The following WAPL variants were observed in gnomAD, a reference collection of about 807,000 sequenced individuals.
The protein encoded by WAPL is WAPL cohesin release factor.
Under a neutral mutation model 121.0 loss-of-function variants are expected in WAPL, and 5 were observed. The ratio of observed to expected loss-of-function variants is 0.04; its 90% CI spans 0.02 to 0.09. WAPL has a LOEUF of 0.09. Among genes scored for constraint, WAPL ranks in the 10% least tolerant of loss-of-function variants. WAPL has a pLI of 1.00. For synonymous variants in WAPL, 480 were observed against 481.5 expected (o/e 1.00, Z 0.04); for missense variants, 999 against 1,410.8 (o/e 0.71, Z 4.68).
chr10:86,437,851 G>A, intron 18 of WAPL, 69 bp downstream of exon 18: 2 of 1,229,150 alleles, frequency 1.6e-6, no homozygotes, highest in Non-Finnish European at 2.3e-6. Flanking sequence ...TATGGCCATA[G>A]TATTTTTATG....
chr10:86,475,805 A>G (rs1841637462), intron 4 of WAPL, among the ~76,000 whole-genome samples: 1 of 152,218 alleles, frequency 6.6e-6, no homozygotes, highest in Non-Finnish European at 1.5e-5. Context: ...CCTCAAGCAT[A>G]CTCAGAGCCC....
intron 9 of WAPL, 87 bp from the exon 10 acceptor site, chr10:86,461,374 T>G: frequency 7.5e-5 from 71 of 941,412 alleles, no homozygotes; most frequent in Non-Finnish European, 1.1e-4. Flanking sequence ...TACTGCATGC[T>G]ACATGTAGTT....
chr10:86,515,264 A>G (rs1403422195), intron 2 of WAPL, among the ~76,000 whole-genome samples: 1 of 148,210 alleles, frequency 6.7e-6, no homozygotes, highest in Non-Finnish European at 1.5e-5. Context: ...CTTCATCTCA[A>G]AAAAAAAAAA....
chr10:86,471,513 T>C (rs550170094), intron 7 of WAPL, among the ~76,000 whole-genome samples: 1 of 152,184 alleles, frequency 6.6e-6, no homozygotes, highest in Non-Finnish European at 1.5e-5. Context: ...CAAAAGATCA[T>C]CTTTTTGAGC....
intron 4 of WAPL, among the ~76,000 whole-genome samples, chr10:86,482,586 T>C (rs1004400697): frequency 7.9e-5 from 12 of 152,272 alleles, no homozygotes; most frequent in Admixed American, 2.0e-4. Context: ...AGGTACAAGA[T>C]GAACCTAGAA....
Position 86,447,824 on chromosome 10 carries a change from C to T in WAPL, c.3115-1375G>A, listed in dbSNP as rs568378141. On this transcript the variant is annotated intron_variant, in intron 15 of 18. Coordinates refer to ENST00000298767, the MANE Select transcript of WAPL (RefSeq NM_015045.5). ...TAGCACTTTGGGAGGCTGAGGCAGG[C>T]GGATCACTTTAGGTCAGGAGTTGGC... Among the ~76,000 whole-genome samples, 11 of 151,272 alleles carry T rather than the reference C, an allele frequency of 7.3e-5. No homozygotes were observed. The South Asian group carries it at 1.7e-3, about 23-fold the overall frequency.
At chr10:86,510,472 T>C (rs1008455174) in intron 2 of WAPL, among the ~76,000 whole-genome samples, 8 of 152,256 alleles carry the variant, frequency 5.3e-5, no homozygotes, top group Admixed American at 2.6e-4. Flanking sequence ...GCTAGTTCTT[T>C]ATCATGACCA....
At chr10:86,499,685 T>C (rs766771939) in intron 3 of WAPL, 33 bp downstream of exon 3, 1 of 1,529,080 alleles carries the variant, frequency 6.5e-7, no homozygotes, top group Non-Finnish European at 8.7e-7. Flanking sequence ...GGGGAACTAT[T>C]GTACTTATTA....
chr10:86,467,497 G>A lies in WAPL; in HGVS notation c.2152C>T (p.Leu718Phe). The change falls in exon 9 of 19, where the codon CTC becomes TTC. Residue 718 changes from leucine (L) to phenylalanine (F), a missense_variant. By Grantham distance (22) the Leu-to-Phe change is conservative (BLOSUM62 0). This residue lies in a region of WAPL where 118 missense variants were observed against 318.3 expected (regional missense o/e 0.37). Coordinates refer to ENST00000298767, the MANE Select transcript of WAPL (RefSeq NM_015045.5). ...DDSQHHQNLS[L>F]CTAALMYILS... ...ATATACATGAGGGCAGCTGTACAGAGGGACAGATTCTTCAACAGGCCAAAA... is the reference window on the plus strand; with the variant it reads ...ATATACATGAGGGCAGCTGTACAGAAGGACAGATTCTTCAACAGGCCAAAA... 6.2e-7 allele frequency: 1 copy of A among 1,605,842 alleles called. No homozygotes were observed. The highest frequency in any genetic ancestry group is 1.1e-5 in the South Asian group (1 of 88,202).
At chr10:86,482,827 G>A (rs1264507152) in intron 4 of WAPL, among the ~76,000 whole-genome samples, 2 of 152,210 alleles carry the variant, frequency 1.3e-5, no homozygotes, top group East Asian at 1.9e-4. Context: ...GGGCTGGCAG[G>A]TAGGGGAAAT....
chr10:86,487,838 T>C (rs1415580625), intron 4 of WAPL, among the ~76,000 whole-genome samples: 1 of 152,064 alleles, frequency 6.6e-6, no homozygotes, highest in Non-Finnish European at 1.5e-5. Context: ...GAGCTTGCAG[T>C]GAGCTGAGAT....
At chr10:86,495,737 T>C (rs779573877) in intron 4 of WAPL, among the ~76,000 whole-genome samples, 10 of 152,080 alleles carry the variant, frequency 6.6e-5, no homozygotes, top group Non-Finnish European at 1.5e-4. Flanking sequence ...ACTAATGAAA[T>C]AGCAGAAAAT....
At position 86,435,900 on chromosome 10, in the gene WAPL, C is replaced by A. The variant is rs899381363; in HGVS notation, c.*1643G>T. Reference sequence around the variant, plus strand: ...ATAACTAATTTAATTTTACGGGTATCATTTACCAATATGTTTTTAAAAGTA... The same window carrying A: ...ATAACTAATTTAATTTTACGGGTATAATTTACCAATATGTTTTTAAAAGTA... On this transcript the variant is annotated 3_prime_UTR_variant, in exon 19 of 19. Coordinates refer to ENST00000298767, the MANE Select transcript of WAPL (RefSeq NM_015045.5). The A allele has an allele frequency of 2.0e-5, 3 of 152,110 alleles. No homozygotes were observed. The highest frequency in any genetic ancestry group is 4.4e-5 in the Non-Finnish European group (3 of 68,022). The allele number at this position is 152,110 out of a possible 1,614,324, so 9.4% of individuals were successfully genotyped here.
intron 2 of WAPL, among the ~76,000 whole-genome samples, chr10:86,514,318 A>G (rs1231095520): frequency 6.6e-6 from 1 of 152,236 alleles, no homozygotes; most frequent in African/African-American, 2.4e-5. Context: ...TAACTTGCAC[A>G]CATTAGAGAC....
chr10:86,508,758 C>CTTTTT (rs34530024), intron 2 of WAPL, among the ~76,000 whole-genome samples: 16 of 116,762 alleles, frequency 1.4e-4, no homozygotes, highest in East Asian at 7.5e-4. Context: ...ATTGAAAGTT[C>CTTTTT]TTTTTTTTTT....
chr10:86,483,751 T>C (rs1320095007), intron 4 of WAPL, among the ~76,000 whole-genome samples: 1 of 146,880 alleles, frequency 6.8e-6, no homozygotes, highest in Admixed American at 6.8e-5. Context: ...TCTAGGCTGG[T>C]GTATCTTAAG....
At chr10:86,457,680 C>G (rs1241664123) in intron 12 of WAPL, among the ~76,000 whole-genome samples, 1 of 151,576 alleles carries the variant, frequency 6.6e-6, no homozygotes, top group South Asian at 2.1e-4. Context: ...TATACAAATG[C>G]AAGATACAAA....
intron 4 of WAPL, among the ~76,000 whole-genome samples, chr10:86,474,722 G>A (rs912716999): frequency 1.3e-4 from 20 of 152,060 alleles, no homozygotes; most frequent in Admixed American, 9.2e-4. Context: ...GCAAGACTCC[G>A]TCTCAAAAAA....
At chr10:86,463,035 T>C (rs1477312144) in intron 9 of WAPL, among the ~76,000 whole-genome samples, 1 of 152,378 alleles carries the variant, frequency 6.6e-6, no homozygotes, top group East Asian at 1.9e-4. Context: ...GTCAGTATAC[T>C]ATAAGCTAGC....
Sources: gnomAD v4.1 joint callset for allele counts (sites outside exome capture counted in the v4.1 genomes callset) on GRCh38, gnomAD v4.1.1 for gene constraint, gnomAD v4.1.1 regional missense constraint, MANE v1.5 for transcripts, NCBI Gene and HGNC (gene_info 2026-07-23, HGNC 2026-07-21) for gene names.